CAMTA1: variants seen among roughly 807,000 people sequenced by gnomAD.
CAMTA1 encodes calmodulin-binding transcription activator 1.
In CAMTA1, 27 loss-of-function variants were observed where a neutral mutation model predicts 170.9. That is an observed-to-expected ratio of 0.16 (90% CI 0.12 to 0.22). CAMTA1 has a LOEUF of 0.22. CAMTA1 is among the 10% of genes least tolerant of loss of function. The pLI, the probability that CAMTA1 is intolerant of heterozygous loss-of-function variation, is 1.00. For missense variants in CAMTA1, 1,619 were observed against 2,217.2 expected, an observed-to-expected ratio of 0.73 and a Z score of 5.42; for synonymous variants, 833 against 891.5, an observed-to-expected ratio of 0.93 and a Z score of 1.17.
At chr1:7,409,539 A>G (rs545885892) in intron 5 of CAMTA1, among the ~76,000 whole-genome samples, 18 of 148,698 alleles carry the variant, frequency 1.2e-4, no homozygotes, top group African/African-American at 4.0e-4. Flanking sequence ...CAGGCTCCCA[A>G]GGGCTTCCTG....
rs978980200 is a variant in CAMTA1, at chr1:7,488,676, TAC to T, written c.510+20783_510+20784del. ...ATGTGCACACATATAAACACTTGCA[TAC>T]ACACACATATACACATAAATATATA... On this transcript the variant is annotated intron_variant, in intron 6 of 22. Transcript: ENST00000303635. Among the ~76,000 whole-genome samples the T allele has an allele frequency of 1.8e-4, 28 of 152,242 alleles. 2 individuals are homozygous for T. The highest frequency in any genetic ancestry group is 1.7e-3 in the East Asian group (9 of 5,180).
chr1:7,468,126 G>C (rs2149544012), intron 6 of CAMTA1, among the ~76,000 whole-genome samples: 1 of 152,308 alleles, frequency 6.6e-6, no homozygotes, highest in African/African-American at 2.4e-5. Context: ...AGGGGTAGCT[G>C]TCACCCACTG....
intron 3 of CAMTA1, among the ~76,000 whole-genome samples, chr1:7,051,277 T>A (rs1324416899): frequency 6.6e-6 from 1 of 152,106 alleles, no homozygotes; most frequent in Non-Finnish European, 1.5e-5. Context: ...GTTTGGGAGA[T>A]GGCCACGTGC....
chr1:6,847,980 G>A (rs1445331918), intron 3 of CAMTA1, among the ~76,000 whole-genome samples: 3 of 151,782 alleles, frequency 2.0e-5, no homozygotes, highest in Non-Finnish European at 4.4e-5. Context: ...CAAAGTGCTG[G>A]GATTACAGGT....
At chr1:7,491,461 T>G (rs1055119761) in intron 6 of CAMTA1, among the ~76,000 whole-genome samples, 4 of 152,216 alleles carry the variant, frequency 2.6e-5, no homozygotes, top group African/African-American at 9.7e-5. Context: ...GGAAGATGGT[T>G]CCGGAATGTT....
At chr1:6,901,964 G>C (rs1417703465) in intron 3 of CAMTA1, among the ~76,000 whole-genome samples, 1 of 150,696 alleles carries the variant, frequency 6.6e-6, no homozygotes, top group Non-Finnish European at 1.5e-5. Context: ...AGAATAGTTT[G>C]AACCCAGGAG....
At position 7,721,586 on chromosome 1, in the gene CAMTA1, A is replaced by G. The variant is rs559814148; in HGVS notation, c.2915-10862A>G. ...TAAAATTCCTGGTCGTGAGCCAGGA[A>G]TTTTGGAGAACATTGAGTTATGAGA... On this transcript the variant is annotated intron_variant, in intron 11 of 22. Coordinates refer to ENST00000303635, the MANE Select transcript of CAMTA1 (RefSeq NM_015215.4). Among the ~76,000 whole-genome samples the G allele has an allele frequency of 2.0e-5, 3 of 152,236 alleles. No homozygotes were observed. The East Asian group carries it at 5.8e-4, about 29-fold the overall frequency.
chr1:7,411,868 A>G (rs914473364), intron 5 of CAMTA1, among the ~76,000 whole-genome samples: 6 of 151,436 alleles, frequency 4.0e-5, no homozygotes, highest in South Asian at 2.1e-4. Flanking sequence ...TTAACTCGTC[A>G]TTTAGCATTA....
At chr1:6,889,667 G>C (rs975248698) in intron 3 of CAMTA1, among the ~76,000 whole-genome samples, 1 of 152,226 alleles carries the variant, frequency 6.6e-6, no homozygotes, top group Non-Finnish European at 1.5e-5. Context: ...TCAATGAAGA[G>C]TGGCTTTTTA....
intron 6 of CAMTA1, among the ~76,000 whole-genome samples, chr1:7,491,516 C>T (rs754090858): frequency 6.6e-6 from 1 of 152,266 alleles, no homozygotes; most frequent in African/African-American, 2.4e-5. Flanking sequence ...CAGGGCTTGG[C>T]GTGCATTGTT....
intron 3 of CAMTA1, among the ~76,000 whole-genome samples, chr1:6,878,310 C>T (rs1164767666): frequency 6.6e-6 from 1 of 152,182 alleles, no homozygotes; most frequent in African/African-American, 2.4e-5. Context: ...AGTTATGTCC[C>T]AACCAAAGCT....
At chr1:7,270,058 C>T (rs1341317508) in intron 5 of CAMTA1, among the ~76,000 whole-genome samples, 1 of 151,788 alleles carries the variant, frequency 6.6e-6, no homozygotes, top group Admixed American at 6.6e-5. Flanking sequence ...AAAGGAAAAA[C>T]CTAGAATTCT....
In CAMTA1 at chr1:7,680,371, G is replaced by A. The variant is rs1005878873; in HGVS notation, c.2914+2638G>A. ...GGGTTCGCCGCGGAGAGGGGAGGAG[G>A]GCTGGGGAAGGGGTGGGCGCCAGGG... On this transcript the variant is annotated intron_variant, in intron 11 of 22. Transcript: ENST00000303635. The surrounding 1 kb of genome is among the most constrained non-coding windows in gnomAD (Gnocchi z 4.4). Among the ~76,000 whole-genome samples the A allele has an allele frequency of 6.6e-6, 1 of 152,104 alleles. No homozygotes were observed. The highest frequency in any genetic ancestry group is 1.5e-5 in the Non-Finnish European group (1 of 68,000).
At chr1:6,988,572 A>G (rs1191040827) in intron 3 of CAMTA1, among the ~76,000 whole-genome samples, 1 of 152,168 alleles carries the variant, frequency 6.6e-6, no homozygotes, top group African/African-American at 2.4e-5. Context: ...CCCTAGTAGA[A>G]GCAGAAAAAA....
chr1:7,015,301 G>A (rs1021152607), intron 3 of CAMTA1, among the ~76,000 whole-genome samples: 7 of 152,066 alleles, frequency 4.6e-5, no homozygotes, highest in Admixed American at 4.6e-4. Context: ...ATTCCTCACT[G>A]AGCCAGACAG....
intron 3 of CAMTA1, among the ~76,000 whole-genome samples, chr1:7,009,260 G>A (rs993472684): frequency 1.3e-5 from 2 of 152,252 alleles, no homozygotes; most frequent in African/African-American, 4.8e-5. Context: ...GCTGCTGGGA[G>A]GTTTCTGGGG....
rs953051888 is a variant in CAMTA1, at chr1:7,455,473, C to T, written c.439-12357C>T. On this transcript the variant is annotated intron_variant, in intron 5 of 22. Coordinates refer to ENST00000303635, the MANE Select transcript of CAMTA1 (RefSeq NM_015215.4). This position sits in a 1 kb window ranked among gnomAD's most constrained non-coding sequence, Gnocchi z 5.0. ...ATGAAAGCTGGTTTCAGGAATCCAACTCCTCTTAATGTCCTGGCAGACAGC... is the reference window on the plus strand; with the variant it reads ...ATGAAAGCTGGTTTCAGGAATCCAATTCCTCTTAATGTCCTGGCAGACAGC... Among the ~76,000 whole-genome samples the T allele has an allele frequency of 6.6e-6, 1 of 152,250 alleles. No individual in the cohort carries two copies. The highest frequency in any genetic ancestry group is 1.5e-5 in the Non-Finnish European group (1 of 68,048).
At chr1:6,810,104 C>T (rs1644989961) in intron 1 of CAMTA1, among the ~76,000 whole-genome samples, 1 of 152,120 alleles carries the variant, frequency 6.6e-6, no homozygotes, top group Non-Finnish European at 1.5e-5. Flanking sequence ...TCAAACAGCC[C>T]AGGGTGGAAT....
Position 7,601,891 on chromosome 1 carries a change from G to A in CAMTA1, c.511-38509G>A, listed in dbSNP as rs570176410. 3.1e-3 allele frequency among the ~76,000 whole-genome samples: 464 copies of A among 151,804 alleles called. 2 individuals are homozygous for A. Among genetic ancestry groups the A allele is most frequent in the Middle Eastern group, 6.8e-3 (2 of 294 alleles). On this transcript the variant is annotated intron_variant, in intron 6 of 22. Transcript: ENST00000303635. ...GTTGCAGTGAGCTGAGATGGCAGCA[G>A]TACAGTCCAGCTTTGGCTCGGCATC... is the stretch of plus-strand genomic sequence containing the variant.
Sources: allele counts gnomAD v4.1 joint callset (sites outside exome capture counted in the v4.1 genomes callset), GRCh38; gene constraint gnomAD v4.1.1; non-coding constraint Gnocchi (gnomAD v3.1); transcripts MANE v1.5; gene names NCBI Gene and HGNC (gene_info 2026-07-23, HGNC 2026-07-21).